ZNF536: variants seen among roughly 807,000 people sequenced by gnomAD.
ZNF536 encodes the protein zinc finger protein 536.
Under a neutral mutation model 84.5 loss-of-function variants are expected in ZNF536, and 13 were observed. That is an observed-to-expected ratio of 0.15 (90% CI 0.10 to 0.24). ZNF536 has a LOEUF of 0.24. ZNF536 is among the 10% of genes least tolerant of loss of function. The probability of loss-of-function intolerance (pLI) is 1.00; values close to 1 mark genes in which losing one functional copy is unlikely to be tolerated. For missense variants in ZNF536, 1,536 were observed against 1,747.5 expected (o/e 0.88, Z 2.16); for synonymous variants, 811 against 742.5 (o/e 1.09, Z -1.50).
intron 1 of ZNF536, among the ~76,000 whole-genome samples, chr19:30,623,048 G>GT (rs1016447240): frequency 5.8e-5 from 8 of 138,522 alleles, no homozygotes; most frequent in African/African-American, 8.3e-5. Flanking sequence ...TTGTTTTTTT[G>GT]TTTTTTTGAG....
At chr19:30,551,726 TAG>T (rs1394151289) in intron 4 of ZNF536, among the ~76,000 whole-genome samples, 1 of 152,232 alleles carries the variant, frequency 6.6e-6, no homozygotes, top group Non-Finnish European at 1.5e-5. Context: ...TGCCTATTTT[TAG>T]AGAGTGTGAG....
Position 30,264,966 on chromosome 19 carries a change from TGAGA to T in ZNF536, c.-189-19093_-189-19090del, listed in dbSNP as rs142750589. 6.6e-3 allele frequency among the ~76,000 whole-genome samples: 890 copies of T among 133,860 alleles called. 9 individuals are homozygous for T. The highest frequency in any genetic ancestry group is 0.031 in the Middle Eastern group (8 of 256). The allele number at this position is 133,860 out of a possible 152,430, so 87.8% of individuals were successfully genotyped here. ...GTGTGTGTGTGTGTGTGTGTGTGTG[TGAGA>T]GAGAGAGAGAGAAAGAGAGATTCAT... On this transcript the variant is annotated intron_variant, in intron 1 of 5. Transcript: ENST00000585628.
At chr19:30,498,101 G>A (rs1465710077) in intron 2 of ZNF536, among the ~76,000 whole-genome samples, 1 of 152,008 alleles carries the variant, frequency 6.6e-6, no homozygotes, top group East Asian at 1.9e-4. Context: ...TATACCCAAA[G>A]GAATATAAAT....
intron 2 of ZNF536, among the ~76,000 whole-genome samples, chr19:30,304,245 A>G (rs974931746): frequency 6.6e-6 from 1 of 152,162 alleles, no homozygotes; most frequent in Non-Finnish European, 1.5e-5. Context: ...CCGCATTTGC[A>G]TCTTCATCTC....
chr19:30,412,540 C>G (rs949513040), intron 1 of ZNF536, among the ~76,000 whole-genome samples: 1 of 151,946 alleles, frequency 6.6e-6, no homozygotes, highest in African/African-American at 2.4e-5. Flanking sequence ...TGTGAATATA[C>G]CATATGGTTC....
intron 1 of ZNF536, among the ~76,000 whole-genome samples, chr19:30,583,476 C>T (rs985871425): frequency 6.6e-6 from 1 of 152,204 alleles, no homozygotes; most frequent in African/African-American, 2.4e-5. Context: ...GAAGGGCTTC[C>T]TCGGCAGCTG....
At chr19:30,630,020 G>A (rs1450504722) in intron 1 of ZNF536, among the ~76,000 whole-genome samples, 1 of 152,188 alleles carries the variant, frequency 6.6e-6, no homozygotes, top group Admixed American at 6.5e-5. Context: ...GCTCAGCCCT[G>A]ACTTTGAGAA....
intron 2 of ZNF536, among the ~76,000 whole-genome samples, chr19:30,294,888 A>G (rs2145849691): frequency 6.6e-6 from 1 of 152,268 alleles, no homozygotes; most frequent in South Asian, 2.1e-4. Context: ...TGTGGGAAGG[A>G]GTGCTGCTCT....
At chr19:30,327,988 G>A (rs1031235724) in intron 2 of ZNF536, among the ~76,000 whole-genome samples, 6 of 152,200 alleles carry the variant, frequency 3.9e-5, no homozygotes, top group South Asian at 4.1e-4. Flanking sequence ...CTCTGTGCCC[G>A]TTTCCTCTTC....
intron 2 of ZNF536, among the ~76,000 whole-genome samples, chr19:30,290,340 T>C (rs1263182361): frequency 1.3e-5 from 2 of 152,206 alleles, no homozygotes; most frequent in African/African-American, 4.8e-5. Context: ...TGCAGTGGCA[T>C]GATCATAGCT....
At chr19:30,576,967 T>C (rs1358461499) in intron 1 of ZNF536, among the ~76,000 whole-genome samples, 1 of 152,254 alleles carries the variant, frequency 6.6e-6, no homozygotes, top group Admixed American at 6.5e-5. Flanking sequence ...CCTGGTTTTA[T>C]TTGTTTGGGA....
chr19:30,422,576 C>T (rs183964246), intron 1 of ZNF536, among the ~76,000 whole-genome samples: 59 of 152,314 alleles, frequency 3.9e-4, no homozygotes, highest in African/African-American at 1.4e-3. Context: ...TCTTGACCCT[C>T]TTCCTTTCTA....
At chr19:30,388,556 A>T (rs992497646) in intron 1 of ZNF536, among the ~76,000 whole-genome samples, 4 of 152,000 alleles carry the variant, frequency 2.6e-5, no homozygotes, top group Admixed American at 6.6e-5. Flanking sequence ...GCCCTCCACG[A>T]TCGCCTCGTC....
intron 1 of ZNF536, among the ~76,000 whole-genome samples, chr19:30,650,694 T>C (rs895087732): frequency 6.6e-6 from 1 of 152,192 alleles, no homozygotes; most frequent in Non-Finnish European, 1.5e-5. Context: ...TCTTAAAAAA[T>C]ACTGAACTGG....
intron 1 of ZNF536, among the ~76,000 whole-genome samples, chr19:30,607,458 G>C (rs1277543454): frequency 6.6e-6 from 1 of 151,922 alleles, no homozygotes; most frequent in Non-Finnish European, 1.5e-5. Context: ...AGTGTCTCAT[G>C]CCTATAATTC....
chr19:30,349,878 A>T (rs1363494663), intron 2 of ZNF536, among the ~76,000 whole-genome samples: 2 of 152,164 alleles, frequency 1.3e-5, no homozygotes, highest in African/African-American at 4.8e-5. Flanking sequence ...GCATCTTCAA[A>T]TGGAGAAGTA....
intron 1 of ZNF536, among the ~76,000 whole-genome samples, chr19:30,387,523 A>G (rs138568863): frequency 1.3e-5 from 2 of 152,304 alleles, no homozygotes; most frequent in Middle Eastern, 3.4e-3. Context: ...CTTGGCTTAC[A>G]TCTGCTGCTG....
At chr19:30,281,050 T>G (rs983389462) in intron 1 of ZNF536, among the ~76,000 whole-genome samples, 2 of 151,994 alleles carry the variant, frequency 1.3e-5, no homozygotes, top group African/African-American at 4.8e-5. Flanking sequence ...TCAGGATGGG[T>G]CAGAGCTGCC....
intron 2 of ZNF536, among the ~76,000 whole-genome samples, chr19:30,449,332 GCCT>G (rs1168781429): frequency 6.6e-6 from 1 of 152,142 alleles, no homozygotes; most frequent in Non-Finnish European, 1.5e-5. Flanking sequence ...CTGTTTCGAT[GCCT>G]CCTCATTTCT....
Sources: gnomAD v4.1 joint callset for allele counts (sites outside exome capture counted in the v4.1 genomes callset) on GRCh38, gnomAD v4.1.1 for gene constraint, MANE v1.5 for transcripts, NCBI Gene and HGNC (gene_info 2026-07-23, HGNC 2026-07-21) for gene names.